The following KLRC3 variants were observed in gnomAD, a reference collection of about 807,000 sequenced individuals.
KLRC3 encodes killer cell lectin like receptor C3.
Under a neutral mutation model 23.6 loss-of-function variants are expected in KLRC3, and 16 were observed. That is an observed-to-expected ratio of 0.68 (90% CI 0.46 to 1.03). KLRC3 has a LOEUF of 1.03. KLRC3 is among the 50% of genes least tolerant of loss of function. The probability of loss-of-function intolerance (pLI) is 0.00; values close to 1 mark genes in which losing one functional copy is unlikely to be tolerated. For synonymous variants in KLRC3, 70 were observed against 71.8 expected (o/e 0.98, Z 0.13); for missense variants, 209 against 232.2 (o/e 0.90, Z 0.65).
chr12:10,412,931 G>A (rs1160455003), intron 6 of KLRC3, among the ~76,000 whole-genome samples: 1 of 151,980 alleles, frequency 6.6e-6, no homozygotes, highest in Non-Finnish European at 1.5e-5. Context: ...TACAAGACAG[G>A]CCAGTGAGCC....
In KLRC3 at chr12:10,420,347, T is replaced by C. The variant is rs1863703122; in HGVS notation, c.187+17A>G. On this transcript the variant is annotated intron_variant, in intron 1 of 6. Transcript: ENST00000396439. ...CATCCCAGAACAATAACATTGAAGA[T>C]ATATTTAATGTTTTACCTTGGCAGT... The C allele has an allele frequency of 1.7e-5, 28 of 1,607,498 alleles. No individual in the cohort carries two copies. The highest frequency in any genetic ancestry group is 2.4e-5 in the Non-Finnish European group (28 of 1,174,462).
At chr12:10,418,626 T>G (rs1323468412) in intron 3 of KLRC3, 128 bp from the exon 4 acceptor site, 3 of 1,141,134 alleles carry the variant, frequency 2.6e-6, no homozygotes, top group Non-Finnish European at 3.7e-6. Context: ...GGCTTATAAG[T>G]ATATATTTTT....
At chr12:10,417,863 T>C (rs1270641555) in intron 4 of KLRC3, among the ~76,000 whole-genome samples, 2 of 152,180 alleles carry the variant, frequency 1.3e-5, no homozygotes, top group Admixed American at 1.3e-4. Flanking sequence ...AGACATGAAA[T>C]TCACACTGTA....
intron 4 of KLRC3, among the ~76,000 whole-genome samples, 192 bp downstream of exon 4, chr12:10,418,152 A>G (rs2741883): frequency 0.98 from 149,534 of 152,264 alleles, 73,471 homozygotes; most frequent in Middle Eastern, 1. Flanking sequence ...TTCCATAAAA[A>G]GCAAAAACTG....
At chr12:10,417,426 C>G (rs1207679854) in intron 4 of KLRC3, among the ~76,000 whole-genome samples, 1 of 152,064 alleles carries the variant, frequency 6.6e-6, no homozygotes, top group Non-Finnish European at 1.5e-5. Flanking sequence ...ATGTTAAGTC[C>G]TCCACACGAC....
rs962869641 is a variant in KLRC3 at position 10,412,630 on chromosome 12, C to T, written c.679-14G>A. On this transcript the variant is annotated splice_polypyrimidine_tract_variant and intron_variant, in intron 6 of 6. Transcript: ENST00000396439. ...GAAACCCCGTCTCTACAAAAAAATA[C>T]GAAAATTAGCCAGCATGATGGTATT... 1.5e-4 allele frequency: 106 copies of T among 700,560 alleles called. 1 individual carries two copies. The highest frequency in any genetic ancestry group is 2.6e-4 in the Admixed American group (13 of 49,730). The allele number at this position is 700,560 out of a possible 1,614,324, so 43.4% of individuals were successfully genotyped here.
At position 10,412,489 on chromosome 12, in the gene KLRC3, AT is replaced by A; in HGVS notation, c.*82del. 2 of 688,288 alleles carry A rather than the reference AT, an allele frequency of 2.9e-6. No individual in the cohort carries two copies. The highest frequency in any genetic ancestry group is 1.5e-5 in the South Asian group (1 of 65,132). The allele number at this position is 688,288 out of a possible 1,614,324, so 42.6% of individuals were successfully genotyped here. A position where few individuals can be genotyped will look rare whatever the true frequency, so the allele number is the denominator to read the frequency against. On this transcript the variant is annotated 3_prime_UTR_variant, in exon 7 of 7. Coordinates refer to ENST00000396439, the MANE Select transcript of KLRC3 (RefSeq NM_002261.3). ...AGTAGATTTTTAAAACACAAGCTAA[AT>A]GGTACATGAGCACTCAGGGGCGGTG... is the stretch of plus-strand genomic sequence containing the variant.
chr12:10,415,695 T>G lies in KLRC3; in HGVS notation c.678+9A>C. The G allele has an allele frequency of 6.2e-7, 1 of 1,613,134 alleles. No individual in the cohort carries two copies. The highest frequency in any genetic ancestry group is 1.7e-4 in the Middle Eastern group (1 of 6,054). On this transcript the variant is annotated intron_variant, in intron 6 of 6. Coordinates refer to ENST00000396439, the MANE Select transcript of KLRC3 (RefSeq NM_002261.3). ...GCTCAAGCGCTTTAATTCTAAAGCT[T>G]ATGCTCACAATGATTCTTGAAGATC...
At chr12:10,416,836 G>A in intron 4 of KLRC3, 69 bp from the exon 5 acceptor site, 1 of 1,367,226 alleles carries the variant, frequency 7.3e-7, no homozygotes, top group Non-Finnish European at 9.8e-7. Context: ...ATATATTAAA[G>A]TTGAAAACCA....
In KLRC3 at chr12:10,418,356, A is replaced by G; in HGVS notation, c.474T>C (p.Asn158=). Residue 158 remains asparagine (N), a synonymous_variant, in exon 4 of 7, where the codon AAT becomes AAC. Coordinates refer to ENST00000396439, the MANE Select transcript of KLRC3 (RefSeq NM_002261.3). ...KNSSSLLCID[N]EEEMKFLASI... ...ATTTACATCTTACCATTTCTTCTTC[A>G]TTATCTATACAAAGCAGACTAGAAG... 3 of 1,604,850 alleles carry G rather than the reference A, an allele frequency of 1.9e-6. No individual in the cohort carries two copies. The highest frequency in any genetic ancestry group is 2.6e-6 in the Non-Finnish European group (3 of 1,174,382).
At chr12:10,415,605 G>A in intron 6 of KLRC3, 99 bp downstream of exon 6, 3 of 1,552,082 alleles carry the variant, frequency 1.9e-6, no homozygotes, top group South Asian at 1.2e-5. Context: ...TTCATTTTAA[G>A]GCTTATGCAA....
rs137963237 is a variant in KLRC3 at position 10,417,881 on chromosome 12, G to A, written c.486+463C>T. Among the ~76,000 whole-genome samples the A allele has an allele frequency of 1.1e-3, 161 of 152,266 alleles. 1 individual carries two copies. Among genetic ancestry groups the A allele is most frequent in the African/African-American group, 2.8e-3 (116 of 41,548 alleles). On this transcript the variant is annotated intron_variant, in intron 4 of 6. Transcript: ENST00000396439. The stretch of plus-strand genomic sequence containing the variant: ...CATGAAATTCACACTGTATAATTCC[G>A]TTTTTTATAAATTCAAGAACAGGCA...
intron 5 of KLRC3, 118 bp from the exon 6 acceptor site, chr12:10,415,912 C>A: frequency 1.4e-6 from 1 of 712,404 alleles, no homozygotes. Context: ...TTAAATTTTT[C>A]ATATGCTATT....
chr12:10,420,385 C>G lies in KLRC3; in HGVS notation c.166G>C (p.Asp56His). The change falls in exon 1 of 7, where the codon GAT becomes CAT. Residue 56 changes from aspartate (D) to histidine (H), a missense_variant. Asp to His is a moderately conservative substitution (Grantham distance 81, BLOSUM62 -1). This residue lies in a region of KLRC3 where 109 missense variants were observed against 113.2 expected (regional missense o/e 0.96). Transcript: ENST00000396439. ...TTACCTTGGCAGTCATATATTTTATCAATCCCTTGATGATTCAGAGAAGCA... is the reference window on the plus strand; with the variant it reads ...TTACCTTGGCAGTCATATATTTTATGAATCCCTTGATGATTCAGAGAAGCA... The part of the protein sequence containing the change: ...QNASLNHQGI[D>H]KIYDCQGLLP... 1 of 1,613,582 alleles carries G rather than the reference C, an allele frequency of 6.2e-7. No homozygotes were observed. Among genetic ancestry groups the G allele is most frequent in the Admixed American group, 1.7e-5 (1 of 60,002 alleles).
chr12:10,412,704 C>A (rs988296901), intron 6 of KLRC3, 88 bp from the exon 7 acceptor site: 1 of 666,110 alleles, frequency 1.5e-6, no homozygotes, highest in East Asian at 2.9e-5. Flanking sequence ...ATCGCTTGAG[C>A]CTTGGAGGTG....
intron 6 of KLRC3, among the ~76,000 whole-genome samples, chr12:10,413,875 G>A (rs902647698): frequency 6.6e-6 from 1 of 150,430 alleles, no homozygotes; most frequent in African/African-American, 2.4e-5. Flanking sequence ...GAGAACATGC[G>A]GTGTTTGGTT....
intron 1 of KLRC3, 130 bp downstream of exon 1, chr12:10,420,234 T>C (rs1863701619): frequency 3.7e-6 from 4 of 1,087,734 alleles, no homozygotes; most frequent in Non-Finnish European, 5.3e-6. Context: ...GATTTCATAT[T>C]AGAATATTAG....
chr12:10,413,954 G>T (rs555648353), intron 6 of KLRC3, among the ~76,000 whole-genome samples: 8 of 152,214 alleles, frequency 5.3e-5, no homozygotes, highest in African/African-American at 1.9e-4. Flanking sequence ...CAGAGGACAT[G>T]AACTCATCCT....
At position 10,415,780 on chromosome 12, in the gene KLRC3, T is replaced by A. The variant is rs1450842736; in HGVS notation, c.602A>T (p.Asp201Val). 3.1e-6 allele frequency: 5 copies of A among 1,610,620 alleles called. No individual in the cohort carries two copies. Among genetic ancestry groups the A allele is most frequent in the Non-Finnish European group, 4.2e-6 (5 of 1,178,380 alleles). Residue 201 changes from aspartate (D) to valine (V), a missense_variant, in exon 6 of 7, where the codon GAT becomes GTT. By Grantham distance (152) the Asp-to-Val change is radical. Around this residue, in one of 4 missense-constraint regions of KLRC3, gnomAD observed 74 missense variants for 51.0 expected, o/e 1.45. Transcript: ENST00000396439. ...CATTGCACAGTTACGTTCAGCATGA[T>A]CTGAGTCTTTTATCCTGTAATGGAG... ...LAFKHEIKDSDHAERNCAMLH... is the reference protein window; with the variant it reads ...LAFKHEIKDSVHAERNCAMLH...
Sources: gnomAD v4.1 joint callset for allele counts (sites outside exome capture counted in the v4.1 genomes callset) on GRCh38, gnomAD v4.1.1 for gene constraint, gnomAD v4.1.1 regional missense constraint, MANE v1.5 for transcripts, NCBI Gene and HGNC (gene_info 2026-07-23, HGNC 2026-07-21) for gene names.